EIPR1: variants seen among roughly 807,000 people sequenced by gnomAD.
EIPR1 encodes the protein EARP complex and GARP complex interacting protein 1, also known as EARP and GARP complex-interacting protein 1.
Under a neutral mutation model 48.1 loss-of-function variants are expected in EIPR1, and 25 were observed. The observed-to-expected ratio is 0.52, with a 90% confidence interval of 0.38 to 0.73. EIPR1 has a LOEUF of 0.73. EIPR1 is among the 30% of genes least tolerant of loss of function. EIPR1 has a pLI of 0.00. For missense variants in EIPR1, 415 were observed against 506.2 expected, an observed-to-expected ratio of 0.82 and a Z score of 1.73; for synonymous variants, 204 against 201.9, an observed-to-expected ratio of 1.01 and a Z score of -0.09.
At chr2:3,215,992 A>G (rs931316601) in intron 4 of EIPR1, among the ~76,000 whole-genome samples, 5 of 152,240 alleles carry the variant, frequency 3.3e-5, no homozygotes, top group African/African-American at 1.2e-4. Context: ...TAGGATGCTG[A>G]AAAACCTGCT....
chr2:3,216,455 G>T (rs1665640253), intron 4 of EIPR1, among the ~76,000 whole-genome samples: 1 of 152,174 alleles, frequency 6.6e-6, no homozygotes, highest in Non-Finnish European at 1.5e-5. Context: ...GACACTTGGG[G>T]TTTTAGTAGA....
intron 3 of EIPR1, among the ~76,000 whole-genome samples, chr2:3,287,728 C>T (rs534443337): frequency 6.6e-6 from 1 of 152,306 alleles, no homozygotes; most frequent in East Asian, 1.9e-4. Context: ...AGCTCGTTCA[C>T]CACGCTCTAG....
At chr2:3,370,462 C>T (rs1671086899) in intron 1 of EIPR1, among the ~76,000 whole-genome samples, 3 of 152,094 alleles carry the variant, frequency 2.0e-5, no homozygotes, top group Non-Finnish European at 4.4e-5. Context: ...GAAATTCAAA[C>T]CAAAGGCAAA....
chr2:3,218,092 T>G (rs1229776146), intron 4 of EIPR1, among the ~76,000 whole-genome samples: 6 of 151,630 alleles, frequency 4.0e-5, no homozygotes, highest in Non-Finnish European at 7.4e-5. Context: ...CCCGATACAC[T>G]CTAGAGCATT....
chr2:3,270,225 C>G (rs1259243998), intron 3 of EIPR1, among the ~76,000 whole-genome samples: 2 of 152,196 alleles, frequency 1.3e-5, no homozygotes, highest in Non-Finnish European at 2.9e-5. Context: ...AGAGTGCAAG[C>G]CCATCTGTGC....
Position 3,231,655 on chromosome 2 carries a change from T to C in EIPR1, c.417-17407A>G, listed in dbSNP as rs115403763. Among the ~76,000 whole-genome samples, 736 of 152,342 alleles carry C rather than the reference T, an allele frequency of 4.8e-3. 4 individuals carry two copies. The highest frequency in any genetic ancestry group is 0.017 in the African/African-American group (696 of 41,588). ...TATCACATTTACTGACGTGGGTATA[T>C]TGAAGCATCCTTGCATCTGAGGGAC... On this transcript the variant is annotated intron_variant, in intron 4 of 8. Transcript: ENST00000382125.
chr2:3,281,794 T>G (rs1269684173), intron 3 of EIPR1, among the ~76,000 whole-genome samples: 1 of 152,266 alleles, frequency 6.6e-6, no homozygotes, highest in East Asian at 1.9e-4. Context: ...TATTTGGATT[T>G]TCCATATCTT....
chr2:3,215,603 T>A (rs569488450), intron 4 of EIPR1, among the ~76,000 whole-genome samples: 65 of 152,370 alleles, frequency 4.3e-4, no homozygotes, highest in African/African-American at 1.4e-3. Flanking sequence ...TCTGGTGAAA[T>A]TCTTAAATGC....
At chr2:3,199,692 T>C (rs1008205032) in intron 5 of EIPR1, among the ~76,000 whole-genome samples, 3 of 151,426 alleles carry the variant, frequency 2.0e-5, no homozygotes, top group African/African-American at 7.3e-5. Flanking sequence ...CAGGGCTGTG[T>C]CCACATCTGG....
At chr2:3,263,996 A>G (rs1399922597) in intron 3 of EIPR1, among the ~76,000 whole-genome samples, 1 of 152,196 alleles carries the variant, frequency 6.6e-6, no homozygotes, top group African/African-American at 2.4e-5. Context: ...CTCTCTTAAC[A>G]ATTTTCAAGT....
At position 3,274,448 on chromosome 2, in the gene EIPR1, C is replaced by G. The variant is rs1418530316; in HGVS notation, c.260-16993G>C. On this transcript the variant is annotated intron_variant, in intron 3 of 8. Coordinates refer to ENST00000382125, the MANE Select transcript of EIPR1 (RefSeq NM_003310.5). ...GAAAAAAAGTCAGGGCAGAACTGTTCAGTCAGCTAAATACTCAAAAATAAA... is the reference window on the plus strand; with the variant it reads ...GAAAAAAAGTCAGGGCAGAACTGTTGAGTCAGCTAAATACTCAAAAATAAA... 3.2e-6 allele frequency: 5 copies of G among 1,546,750 alleles called. No individual in the cohort carries two copies. In the Admixed American group the frequency reaches 9.9e-5, roughly 31 times the overall value.
rs527584500 is a variant in EIPR1 at position 3,342,406 on chromosome 2, A to C, written c.127-4257T>G. 1.4e-3 allele frequency among the ~76,000 whole-genome samples: 220 copies of C among 152,380 alleles called. 1 individual carries two copies. Among genetic ancestry groups the C allele is most frequent in the South Asian group, 2.5e-3 (12 of 4,830 alleles). Reference sequence around the variant, plus strand: ...TTATCAGGAAATCCATTAGCACTGAAAACAGGGATGCGCTTAAATGTACTA... The same window carrying C: ...TTATCAGGAAATCCATTAGCACTGACAACAGGGATGCGCTTAAATGTACTA... On this transcript the variant is annotated intron_variant, in intron 2 of 8. Transcript: ENST00000382125.
intron 2 of EIPR1, among the ~76,000 whole-genome samples, chr2:3,352,458 C>T (rs1421670086): frequency 6.6e-6 from 1 of 151,774 alleles, no homozygotes; most frequent in Non-Finnish European, 1.5e-5. Context: ...GTTCCCGACA[C>T]CTTTGATCAG....
rs944724171 is a variant in EIPR1, at chr2:3,312,042, G to C, written c.259+25975C>G. On this transcript the variant is annotated intron_variant, in intron 3 of 8. Coordinates refer to ENST00000382125, the MANE Select transcript of EIPR1 (RefSeq NM_003310.5). This position sits in a 1 kb window ranked among gnomAD's most constrained non-coding sequence, Gnocchi z 5.5. ...TACAAATGACACCCTCCACCCTATA[G>C]CTTTCATTGACCCAAGATAACTGTG... Among the ~76,000 whole-genome samples the C allele has an allele frequency of 6.6e-6, 1 of 152,134 alleles. No homozygotes were observed. The highest frequency in any genetic ancestry group is 6.5e-5 in the Admixed American group (1 of 15,276).
At chr2:3,318,909 C>T (rs749914873) in intron 3 of EIPR1, 10 of 471,292 alleles carry the variant, frequency 2.1e-5, no homozygotes, top group Admixed American at 2.4e-5. Context: ...CAAAGACAAT[C>T]GTGGGACTCT....
chr2:3,339,337 C>T (rs959672287), intron 2 of EIPR1, among the ~76,000 whole-genome samples: 2 of 152,186 alleles, frequency 1.3e-5, no homozygotes, highest in African/African-American at 2.4e-5. Flanking sequence ...CTGTGCCTGG[C>T]GCACTCTGCA....
At chr2:3,208,344 C>T in intron 5 of EIPR1, 1 of 1,018,082 alleles carries the variant, frequency 9.8e-7, no homozygotes, top group South Asian at 1.7e-5. Flanking sequence ...ACCGTGAGCA[C>T]CTCTGTGCCC....
At chr2:3,196,010 C>G (rs7569584) in intron 6 of EIPR1, among the ~76,000 whole-genome samples, 1 of 152,164 alleles carries the variant, frequency 6.6e-6, no homozygotes, top group Non-Finnish European at 1.5e-5. Context: ...ACAAAGGACA[C>G]GATGACCACA....
At chr2:3,323,594 C>A (rs1049064671) in intron 3 of EIPR1, among the ~76,000 whole-genome samples, 1 of 152,192 alleles carries the variant, frequency 6.6e-6, no homozygotes, top group Non-Finnish European at 1.5e-5. Context: ...CTCCATGAAC[C>A]AAGCCACGTG....
Sources: allele counts gnomAD v4.1 joint callset (sites outside exome capture counted in the v4.1 genomes callset), GRCh38; gene constraint gnomAD v4.1.1; non-coding constraint Gnocchi (gnomAD v3.1); transcripts MANE v1.5; gene names NCBI Gene and HGNC (gene_info 2026-07-23, HGNC 2026-07-21).